The following BMAL2 variants were observed in gnomAD, a reference collection of about 807,000 sequenced individuals.
BMAL2 encodes the protein basic helix-loop-helix ARNT like 2.
the BMAL2 span, among the ~76,000 whole-genome samples, chr12:27,380,670 A>G: frequency 6.6e-6 from 1 of 152,208 alleles, no homozygotes; most frequent in Non-Finnish European, 1.5e-5. Flanking sequence ...CACATATATT[A>G]TGAAGAGAAT....
At chr12:27,418,093 A>G in the BMAL2 span, 2 of 1,609,510 alleles carry the variant, frequency 1.2e-6, no homozygotes, top group African/African-American at 2.7e-5. Context: ...TTCAGATGTC[A>G]AATAAGGAGT....
chr12:27,396,738 A>G, the BMAL2 span, among the ~76,000 whole-genome samples: 2 of 152,336 alleles, frequency 1.3e-5, no homozygotes, highest in South Asian at 4.1e-4. Context: ...CTGGAACCAC[A>G]TATTCACTTA....
At chr12:27,415,328 G>A in the BMAL2 span, among the ~76,000 whole-genome samples, 1 of 152,196 alleles carries the variant, frequency 6.6e-6, no homozygotes, top group South Asian at 2.1e-4. Context: ...GTATACCATC[G>A]TATTGTACAC....
chr12:27,400,866 TC>T, the BMAL2 span: 1 of 1,192,488 alleles, frequency 8.4e-7, no homozygotes, highest in Non-Finnish European at 1.2e-6. Flanking sequence ...TTTTTCTTTT[TC>T]TTTTTTCTGT....
At chr12:27,365,828 T>C in the BMAL2 span, among the ~76,000 whole-genome samples, 6 of 151,780 alleles carry the variant, frequency 4.0e-5, no homozygotes, top group Non-Finnish European at 8.8e-5. Flanking sequence ...TACACTCTTA[T>C]ATGTTTATAT....
chr12:27,404,763 T>A, the BMAL2 span, among the ~76,000 whole-genome samples: 1 of 152,164 alleles, frequency 6.6e-6, no homozygotes, highest in Non-Finnish European at 1.5e-5. Flanking sequence ...TGCAGGACAG[T>A]GGGTGCAGCG....
At chr12:27,367,462 A>C in the BMAL2 span, among the ~76,000 whole-genome samples, 4 of 152,226 alleles carry the variant, frequency 2.6e-5, no homozygotes, top group African/African-American at 9.7e-5. Context: ...GGACTACTGT[A>C]TACTGTATGA....
the BMAL2 span, among the ~76,000 whole-genome samples, chr12:27,369,920 C>G: frequency 1.3e-5 from 2 of 152,158 alleles, no homozygotes; most frequent in South Asian, 4.1e-4. Context: ...AAGGAAGAAG[C>G]TAGAACTCAG....
At chr12:27,397,656 T>A in the BMAL2 span, among the ~76,000 whole-genome samples, 1 of 152,228 alleles carries the variant, frequency 6.6e-6, no homozygotes. Flanking sequence ...TTTAAAAAAT[T>A]ATTTATATCC....
chr12:27,387,453 A>G, the BMAL2 span: 2 of 642,112 alleles, frequency 3.1e-6, no homozygotes, highest in Non-Finnish European at 2.7e-6. Flanking sequence ...GAACTCCAAG[A>G]GAGATGGAAA....
the BMAL2 span, among the ~76,000 whole-genome samples, chr12:27,357,947 C>T: frequency 5.3e-5 from 8 of 152,060 alleles, no homozygotes; most frequent in African/African-American, 1.7e-4. Flanking sequence ...TAGACATTGG[C>T]TTAGGCAAAG....
the BMAL2 span, among the ~76,000 whole-genome samples, chr12:27,333,623 G>T: frequency 2.0e-5 from 3 of 152,308 alleles, no homozygotes; most frequent in East Asian, 5.8e-4. Flanking sequence ...GGCTTGAACC[G>T]CTGCCCCGCG....
the BMAL2 span, among the ~76,000 whole-genome samples, chr12:27,384,091 G>T: frequency 2.0e-5 from 3 of 152,174 alleles, no homozygotes; most frequent in African/African-American, 4.8e-5. Flanking sequence ...AGTCAAGAAG[G>T]TTGGGGAATA....
chr12:27,352,154 T>G, the BMAL2 span, among the ~76,000 whole-genome samples: 1 of 152,204 alleles, frequency 6.6e-6, no homozygotes, highest in Non-Finnish European at 1.5e-5. Flanking sequence ...TTAGGATAAG[T>G]TCAAAGAAAT....
At chr12:27,403,408 A>C in the BMAL2 span, 1 of 1,390,688 alleles carries the variant, frequency 7.2e-7, no homozygotes, top group South Asian at 1.2e-5. Flanking sequence ...TCCTCAACTG[A>C]ATTTCTCCTT....
chr12:27,414,397 A>G, the BMAL2 span, among the ~76,000 whole-genome samples: 4 of 152,214 alleles, frequency 2.6e-5, no homozygotes, highest in Admixed American at 6.5e-5. Context: ...TAGGTGATAT[A>G]TTAGGCCACA....
At chr12:27,352,817 T>G in the BMAL2 span, among the ~76,000 whole-genome samples, 2 of 151,962 alleles carry the variant, frequency 1.3e-5, no homozygotes, top group African/African-American at 4.8e-5. Flanking sequence ...AAATCAAGAG[T>G]GCAGTCTCAT....
chr12:27,380,131 G>A, the BMAL2 span: 1 of 997,006 alleles, frequency 1.0e-6, no homozygotes, highest in Non-Finnish European at 1.5e-6. Context: ...GGGCCCAAGT[G>A]GGGAGGAAGA....
the BMAL2 span, among the ~76,000 whole-genome samples, chr12:27,377,901 G>A: frequency 3.1e-3 from 468 of 152,240 alleles, 3 homozygotes; most frequent in Non-Finnish European, 3.5e-3. Flanking sequence ...AATGGTTGGG[G>A]CAGGGGGTGT....
Sources: gnomAD v4.1 joint callset for allele counts (sites outside exome capture counted in the v4.1 genomes callset) on GRCh38, gnomAD v4.1.1 for gene constraint, MANE v1.5 for transcripts, NCBI Gene and HGNC (gene_info 2026-07-23, HGNC 2026-07-21) for gene names.